TAFA2: variants seen among roughly 807,000 people sequenced by gnomAD.
TAFA2 encodes TAFA chemokine like family member 2.
A neutral mutation model predicts 18.8 loss-of-function variants in TAFA2; 7 were observed. The ratio of observed to expected loss-of-function variants is 0.37; its 90% CI spans 0.21 to 0.70. The LOEUF (loss-of-function observed/expected upper bound fraction) is 0.70. Among genes scored for constraint, TAFA2 ranks in the 30% least tolerant of loss-of-function variants. The pLI, the probability that TAFA2 is intolerant of heterozygous loss-of-function variation, is 0.53. For missense variants in TAFA2, 122 were observed against 158.1 expected, an observed-to-expected ratio of 0.77 and a Z score of 1.23; for synonymous variants, 60 against 54.2, an observed-to-expected ratio of 1.11 and a Z score of -0.47.
chr12:62,098,919 T>TTTAATAATAA (rs1869066973), intron 1 of TAFA2, among the ~76,000 whole-genome samples: 1 of 152,172 alleles, frequency 6.6e-6, no homozygotes, highest in Non-Finnish European at 1.5e-5. Context: ...ATTAGACACC[T>TTTAATAATAA]GTGGGAAGCT....
intron 1 of TAFA2, among the ~76,000 whole-genome samples, chr12:62,245,847 C>T (rs2062883031): frequency 6.7e-6 from 1 of 149,452 alleles, no homozygotes; most frequent in African/African-American, 2.4e-5. Flanking sequence ...TTATTAATTT[C>T]TGTAGCTTAT....
chr12:62,213,282 A>T (rs956967098), intron 1 of TAFA2, among the ~76,000 whole-genome samples: 2 of 152,218 alleles, frequency 1.3e-5, no homozygotes, highest in African/African-American at 4.8e-5. Context: ...TTTATGGATA[A>T]GCTGCCTAGT....
At chr12:62,056,842 A>T (rs1269064679) in intron 1 of TAFA2, among the ~76,000 whole-genome samples, 1 of 152,222 alleles carries the variant, frequency 6.6e-6, no homozygotes, top group African/African-American at 2.4e-5. Flanking sequence ...AACAATAACC[A>T]CAACAACAAA....
intron 1 of TAFA2, among the ~76,000 whole-genome samples, chr12:61,952,169 A>C (rs2582333): frequency 0.96 from 146,117 of 152,182 alleles, 70,234 homozygotes; most frequent in South Asian, 0.99. Flanking sequence ...TGATGACTGA[A>C]AGGAAGGTAG....
chr12:61,744,409 C>T (rs971656530), intron 4 of TAFA2, among the ~76,000 whole-genome samples: 1 of 151,990 alleles, frequency 6.6e-6, no homozygotes, highest in Non-Finnish European at 1.5e-5. Context: ...AAAATACAGG[C>T]CAAGTTTTGG....
intron 1 of TAFA2, among the ~76,000 whole-genome samples, chr12:62,005,063 G>A (rs1880501591): frequency 6.6e-6 from 1 of 152,060 alleles, no homozygotes; most frequent in Admixed American, 6.6e-5. Context: ...AGGTCAAAGA[G>A]TTCAAAATTG....
intron 1 of TAFA2, among the ~76,000 whole-genome samples, chr12:61,939,337 CTT>C (rs1249559757): frequency 3.9e-5 from 6 of 152,056 alleles, no homozygotes; most frequent in Admixed American, 6.5e-5. Flanking sequence ...GATTTCTACT[CTT>C]TTGAAATTAA....
chr12:62,231,751 G>A (rs1294363760), intron 1 of TAFA2, among the ~76,000 whole-genome samples: 7 of 152,160 alleles, frequency 4.6e-5, no homozygotes, highest in East Asian at 3.9e-4. Context: ...ACTTAAGAAC[G>A]GATACGTTAT....
chr12:62,224,458 G>A (rs1340568522), intron 1 of TAFA2, among the ~76,000 whole-genome samples: 1 of 152,036 alleles, frequency 6.6e-6, no homozygotes, highest in Non-Finnish European at 1.5e-5. Flanking sequence ...TCCTTACATG[G>A]TGGAAGGGGC....
At chr12:61,722,582 G>A (rs559081236) in intron 4 of TAFA2, among the ~76,000 whole-genome samples, 6 of 151,954 alleles carry the variant, frequency 3.9e-5, no homozygotes, top group South Asian at 2.1e-4. Flanking sequence ...AAGAAAAAGC[G>A]AGTCGCATAT....
At chr12:62,022,200 A>C (rs1881165126) in intron 1 of TAFA2, 1 of 324,224 alleles carries the variant, frequency 3.1e-6, no homozygotes, top group African/African-American at 2.1e-5. Context: ...AAACTGGATT[A>C]GATAAAATTT....
At position 62,071,429 on chromosome 12, in the gene TAFA2, C is replaced by A. The variant is rs539335743; in HGVS notation, c.-2+119830G>T. On this transcript the variant is annotated intron_variant, in intron 1 of 4. Transcript: ENST00000416284. ...TTTTTCTTCTAGGTGAGATGGGAAG[C>A]TTTGAGGGAGTTCAAGCAGGAGAGC... Among the ~76,000 whole-genome samples the A allele has an allele frequency of 3.3e-5, 5 of 152,150 alleles. No individual in the cohort carries two copies. In the East Asian group the frequency reaches 9.7e-4, roughly 29 times the overall value.
chr12:61,794,142 G>A (rs1440584235), intron 2 of TAFA2, among the ~76,000 whole-genome samples: 1 of 151,826 alleles, frequency 6.6e-6, no homozygotes, highest in Non-Finnish European at 1.5e-5. Context: ...TCAGGAACAA[G>A]ACAAAGAAGT....
chr12:62,066,953 C>T (rs1042964367), intron 1 of TAFA2, among the ~76,000 whole-genome samples: 2 of 152,158 alleles, frequency 1.3e-5, no homozygotes, highest in African/African-American at 4.8e-5. Flanking sequence ...GTTCCCTTTT[C>T]TCCACATCCT....
At chr12:62,164,151 C>T (rs1448625934) in intron 1 of TAFA2, among the ~76,000 whole-genome samples, 1 of 152,010 alleles carries the variant, frequency 6.6e-6, no homozygotes, top group Non-Finnish European at 1.5e-5. Context: ...TGCCATGAAT[C>T]CTTCTGCATA....
intron 1 of TAFA2, among the ~76,000 whole-genome samples, chr12:61,967,180 G>A (rs566118865): frequency 1.3e-5 from 2 of 151,874 alleles, no homozygotes; most frequent in African/African-American, 4.8e-5. Flanking sequence ...CATATTCTTT[G>A]CCTTGTACTT....
chr12:61,733,775 C>T (rs1359342546), intron 4 of TAFA2, among the ~76,000 whole-genome samples: 6 of 151,868 alleles, frequency 4.0e-5, no homozygotes, highest in Admixed American at 2.0e-4. Context: ...TGGTTCCATA[C>T]GAACTTTAAA....
At chr12:61,945,449 T>A (rs1314323077) in intron 1 of TAFA2, among the ~76,000 whole-genome samples, 3 of 85,394 alleles carry the variant, frequency 3.5e-5, no homozygotes, top group African/African-American at 1.1e-4. Flanking sequence ...TTGGAAGTTC[T>A]GGCCAGGGCA....
In TAFA2 at chr12:61,780,010, T is replaced by A. The variant is rs77553541; in HGVS notation, c.107-24986A>T. On this transcript the variant is annotated intron_variant, in intron 2 of 4. Coordinates refer to ENST00000416284, the MANE Select transcript of TAFA2 (RefSeq NM_178539.5). Reference sequence around the variant, plus strand: ...GTGTAAGTCATATTGGGCTTAGAGATGTGTTTGAGGACATCAGATAACAAG... The same window carrying A: ...GTGTAAGTCATATTGGGCTTAGAGAAGTGTTTGAGGACATCAGATAACAAG... 6.4e-3 allele frequency among the ~76,000 whole-genome samples: 967 copies of A among 151,942 alleles called. 2 individuals are homozygous for A. Among genetic ancestry groups the A allele is most frequent in the Non-Finnish European group, 0.011 (721 of 67,842 alleles).
Sources: gnomAD v4.1 joint callset for allele counts (sites outside exome capture counted in the v4.1 genomes callset) on GRCh38, gnomAD v4.1.1 for gene constraint, MANE v1.5 for transcripts, NCBI Gene and HGNC (gene_info 2026-07-23, HGNC 2026-07-21) for gene names.